ASIC2: variants seen among roughly 807,000 people sequenced by gnomAD.
ASIC2 encodes the protein acid sensing ion channel subunit 2, also known as acid-sensing ion channel 2.
ASIC2 carries 25 observed loss-of-function variants against 57.3 expected under a neutral mutation model. The observed-to-expected ratio is 0.44, with a 90% confidence interval of 0.32 to 0.61. The LOEUF (loss-of-function observed/expected upper bound fraction) is 0.61, where lower values mean the gene tolerates loss of function less well. Ranked by LOEUF, ASIC2 falls within the 20% of genes least tolerant of loss-of-function variation. The pLI is 0.06. For synonymous variants in ASIC2, 319 were observed against 307.5 expected, an observed-to-expected ratio of 1.04 and a Z score of -0.39; for missense variants, 641 against 738.1, an observed-to-expected ratio of 0.87 and a Z score of 1.52.
chr17:33,406,940 G>A (rs1283393600), intron 1 of ASIC2, among the ~76,000 whole-genome samples: 2 of 152,200 alleles, frequency 1.3e-5, no homozygotes, highest in Admixed American at 6.5e-5. Context: ...AGAGAAGGAA[G>A]TAGAGAAAGT....
intron 2 of ASIC2, 61 bp downstream of exon 2, chr17:33,111,856 T>C (rs995303066): frequency 1.3e-6 from 2 of 1,546,046 alleles, no homozygotes; most frequent in Admixed American, 1.9e-5. Context: ...CACCAGCCTT[T>C]CAGAGTCAGG....
intron 7 of ASIC2, 114 bp downstream of exon 7, chr17:33,021,105 T>A (rs2091833489): frequency 1.4e-6 from 1 of 709,574 alleles, no homozygotes; most frequent in Non-Finnish European, 2.3e-6. Context: ...AATCAAAAGG[T>A]TAGACTCCTC....
At chr17:33,136,803 T>C (rs1156585471) in intron 1 of ASIC2, among the ~76,000 whole-genome samples, 1 of 152,182 alleles carries the variant, frequency 6.6e-6, no homozygotes, top group Non-Finnish European at 1.5e-5. Flanking sequence ...ATGGAGAAAG[T>C]CTGGACTAGG....
chr17:33,287,810 C>T (rs1414751330), intron 1 of ASIC2, among the ~76,000 whole-genome samples: 1 of 152,190 alleles, frequency 6.6e-6, no homozygotes, highest in African/African-American at 2.4e-5. Flanking sequence ...TTGCTCTAGT[C>T]CTCTTAGGAT....
chr17:34,134,814 G>C (rs561778510), intron 1 of ASIC2, among the ~76,000 whole-genome samples: 5 of 152,304 alleles, frequency 3.3e-5, no homozygotes, highest in Admixed American at 3.3e-4. Flanking sequence ...AGGAGAGGGA[G>C]CTCACAGTCA....
chr17:33,334,852 G>C (rs147714490), intron 1 of ASIC2, among the ~76,000 whole-genome samples: 403 of 152,328 alleles, frequency 2.6e-3, no homozygotes, highest in Non-Finnish European at 4.5e-3. Flanking sequence ...TTCAGCAGAA[G>C]ATGGAGGAAT....
intron 1 of ASIC2, among the ~76,000 whole-genome samples, chr17:33,948,646 G>GT (rs1213798519): frequency 2.0e-5 from 3 of 152,222 alleles, no homozygotes; most frequent in Non-Finnish European, 2.9e-5. Context: ...TGGAATCCAA[G>GT]AGCTGCCCTG....
At chr17:33,396,430 G>C (rs774719087) in intron 1 of ASIC2, among the ~76,000 whole-genome samples, 2 of 152,158 alleles carry the variant, frequency 1.3e-5, no homozygotes, top group Admixed American at 6.6e-5. Context: ...TTATAAGAAC[G>C]CATGAAATGA....
chr17:33,454,572 G>A (rs1330413612), intron 1 of ASIC2, among the ~76,000 whole-genome samples: 1 of 152,194 alleles, frequency 6.6e-6, no homozygotes, highest in Non-Finnish European at 1.5e-5. Flanking sequence ...AATAACCTTT[G>A]GCTAAGAGAG....
intron 1 of ASIC2, among the ~76,000 whole-genome samples, chr17:33,797,716 C>T (rs1432804832): frequency 1.3e-5 from 2 of 152,094 alleles, no homozygotes; most frequent in East Asian, 3.9e-4. Context: ...TTTGCGCTTC[C>T]CTGGTTCTAT....
chr17:34,016,657 T>TAA (rs537890307), intron 1 of ASIC2, among the ~76,000 whole-genome samples: 117 of 152,310 alleles, frequency 7.7e-4, no homozygotes, highest in African/African-American at 2.8e-3. Context: ...TGTGTGTGTG[T>TAA]AACCTATCTT....
chr17:33,965,283 T>C (rs895944554), intron 1 of ASIC2, among the ~76,000 whole-genome samples: 1 of 152,228 alleles, frequency 6.6e-6, no homozygotes, highest in Non-Finnish European at 1.5e-5. Context: ...AGGATTTATA[T>C]TGAATACTGC....
chr17:33,403,944 T>C (rs1282910062), intron 1 of ASIC2, among the ~76,000 whole-genome samples: 3 of 152,184 alleles, frequency 2.0e-5, no homozygotes, highest in Non-Finnish European at 4.4e-5. Context: ...GAGAGACCCA[T>C]GGACTTGTTA....
At chr17:33,727,740 A>T (rs1909610434) in intron 1 of ASIC2, among the ~76,000 whole-genome samples, 1 of 152,200 alleles carries the variant, frequency 6.6e-6, no homozygotes, top group Non-Finnish European at 1.5e-5. Context: ...ACGATCAGCC[A>T]AATAAACTTC....
chr17:33,861,080 A>G (rs1914089338), intron 1 of ASIC2, among the ~76,000 whole-genome samples: 1 of 152,218 alleles, frequency 6.6e-6, no homozygotes, highest in African/African-American at 2.4e-5. Flanking sequence ...TAATTCTTGA[A>G]AAGAAAGTCA....
At chr17:33,038,817 C>T (rs775601057) in intron 3 of ASIC2, among the ~76,000 whole-genome samples, 10 of 152,140 alleles carry the variant, frequency 6.6e-5, no homozygotes, top group Non-Finnish European at 1.3e-4. Context: ...TTGATTTTTC[C>T]AGCCTCTCCC....
At chr17:33,821,782 C>T (rs1322430309) in intron 1 of ASIC2, among the ~76,000 whole-genome samples, 1 of 152,158 alleles carries the variant, frequency 6.6e-6, no homozygotes, top group Non-Finnish European at 1.5e-5. Context: ...GAATGACAGC[C>T]CTGATTAAGT....
intron 1 of ASIC2, among the ~76,000 whole-genome samples, chr17:33,543,766 G>T (rs1469696143): frequency 6.6e-6 from 1 of 152,206 alleles, no homozygotes; most frequent in Non-Finnish European, 1.5e-5. Flanking sequence ...TGGGAGGTCA[G>T]TTCAGAGAGG....
chr17:33,889,694 C>T (rs1460914372), intron 1 of ASIC2, among the ~76,000 whole-genome samples: 2 of 152,140 alleles, frequency 1.3e-5, no homozygotes, highest in African/African-American at 4.8e-5. Flanking sequence ...CGTTAGCGTC[C>T]ATTGTTAGGT....
Sources: allele counts gnomAD v4.1 joint callset (sites outside exome capture counted in the v4.1 genomes callset), GRCh38; gene constraint gnomAD v4.1.1; transcripts MANE v1.5; gene names NCBI Gene and HGNC (gene_info 2026-07-23, HGNC 2026-07-21).